The following CEP63 variants were observed in gnomAD, a reference collection of about 807,000 sequenced individuals.
CEP63 encodes the protein centrosomal protein of 63 kDa.
In CEP63, 84 loss-of-function variants were observed where a neutral mutation model predicts 89.1. The ratio of observed to expected loss-of-function variants is 0.94; its 90% CI spans 0.79 to 1.13. CEP63 has a LOEUF of 1.13. Ranked by LOEUF, CEP63 falls within the 50% of genes most tolerant of loss-of-function variation. The probability of loss-of-function intolerance (pLI) is 0.00; values close to 1 mark genes in which losing one functional copy is unlikely to be tolerated. For synonymous variants in CEP63, 267 were observed against 272.5 expected (o/e 0.98, Z 0.20); for missense variants, 838 against 813.3 (o/e 1.03, Z -0.37).
At chr3:134,546,001 T>C (rs866459319) in intron 7 of CEP63, 148 bp from the exon 8 acceptor site, 2 of 881,698 alleles carry the variant, frequency 2.3e-6, no homozygotes, top group Non-Finnish European at 3.5e-6. Flanking sequence ...TATTGTAATA[T>C]TGTTACGTAA....
At chr3:134,750,658 T>C in the CEP63 span, among the ~76,000 whole-genome samples, 1 of 152,064 alleles carries the variant, frequency 6.6e-6, no homozygotes, top group Admixed American at 6.6e-5. Context: ...TGTGCATGGG[T>C]CTGGGGAACA....
At chr3:134,533,239 A>G (rs1950188041) in intron 5 of CEP63, among the ~76,000 whole-genome samples, 1 of 152,230 alleles carries the variant, frequency 6.6e-6, no homozygotes, top group African/African-American at 2.4e-5. Context: ...AACATGCCTA[A>G]GAGTGTTCCA....
intron 8 of CEP63, 94 bp from the exon 9 acceptor site, chr3:134,547,241 G>T (rs1231759421): frequency 3.3e-6 from 4 of 1,205,300 alleles, no homozygotes; most frequent in Non-Finnish European, 4.9e-6. Context: ...TTCCAAAGAG[G>T]TTACCAAAAA....
At chr3:134,714,668 A>T in the CEP63 span, among the ~76,000 whole-genome samples, 1 of 152,244 alleles carries the variant, frequency 6.6e-6, no homozygotes, top group African/African-American at 2.4e-5. Context: ...TAGCAGATGT[A>T]GCATCTAGCT....
the CEP63 span, among the ~76,000 whole-genome samples, chr3:134,777,538 AC>A: frequency 6.6e-6 from 1 of 151,932 alleles, no homozygotes; most frequent in Non-Finnish European, 1.5e-5. Context: ...CAATAACAAT[AC>A]ATGGAAATGG....
intron 3 of CEP63, among the ~76,000 whole-genome samples, chr3:134,521,881 C>T (rs1022586513): frequency 6.6e-5 from 10 of 152,106 alleles, no homozygotes; most frequent in Admixed American, 2.6e-4. Flanking sequence ...TTTTCAGAAT[C>T]ATTTTTCCAG....
chr3:134,583,878 C>T (rs1441145930), intron 10 of CEP63, among the ~76,000 whole-genome samples: 1 of 152,066 alleles, frequency 6.6e-6, no homozygotes, highest in Non-Finnish European at 1.5e-5. Context: ...TGTAGTTCTC[C>T]TTGAAGAGGT....
chr3:134,737,520 C>T, the CEP63 span, among the ~76,000 whole-genome samples: 2 of 152,172 alleles, frequency 1.3e-5, no homozygotes, highest in African/African-American at 2.4e-5. Context: ...GTGGTCAATG[C>T]ATGTACAAAA....
chr3:134,606,306 G>A, the CEP63 span, among the ~76,000 whole-genome samples: 2 of 152,118 alleles, frequency 1.3e-5, no homozygotes, highest in African/African-American at 2.4e-5. Flanking sequence ...CTGGGCTCAC[G>A]GCAGAGCCCT....
At chr3:134,762,496 G>A in the CEP63 span, among the ~76,000 whole-genome samples, 1 of 152,096 alleles carries the variant, frequency 6.6e-6, no homozygotes, top group Non-Finnish European at 1.5e-5. Flanking sequence ...TTCAGGATAG[G>A]TCTTTACAAA....
chr3:134,545,068 A>C (rs578108487), intron 6 of CEP63, among the ~76,000 whole-genome samples: 1 of 152,228 alleles, frequency 6.6e-6, no homozygotes, highest in East Asian at 1.9e-4. Flanking sequence ...ATCTCGGCTC[A>C]CTGCAACCTC....
chr3:134,712,898 C>T, the CEP63 span, among the ~76,000 whole-genome samples: 1 of 152,190 alleles, frequency 6.6e-6, no homozygotes, highest in Admixed American at 6.5e-5. Flanking sequence ...AAGGAGAGAG[C>T]TGGGACTTTC....
intron 3 of CEP63, 108 bp downstream of exon 3, chr3:134,507,394 T>G (rs1242748860): frequency 1.3e-6 from 1 of 768,358 alleles, no homozygotes; most frequent in Non-Finnish European, 2.1e-6. Context: ...CAAGTTAGTT[T>G]ATTGTTTTTT....
Position 134,545,661 on chromosome 3 carries a change from A to G in CEP63, c.631A>G (p.Ser211Gly). 1 of 1,614,222 alleles carries G rather than the reference A, an allele frequency of 6.2e-7. No individual in the cohort carries two copies. The highest frequency in any genetic ancestry group is 8.5e-7 in the Non-Finnish European group (1 of 1,180,040). ...SSQSEIQHLS[S>G]KLERANDTIC... ...CCAATCAGAAATTCAACACTTAAGC[A>G]GTAAACTGGAGCGGGCTAATGACAC... The change falls in exon 7 of 15, where the codon AGT becomes GGT. Residue 211 changes from serine (S) to glycine (G), a missense_variant. Transcript: ENST00000675561.
At chr3:134,612,751 C>CTGTG in the CEP63 span, among the ~76,000 whole-genome samples, 20,006 of 125,236 alleles carry the variant, frequency 0.16, 1,747 homozygotes, top group Middle Eastern at 0.22. Flanking sequence ...CACGCCGATG[C>CTGTG]TGTGTGTGTG....
the CEP63 span, among the ~76,000 whole-genome samples, chr3:134,692,815 T>C: frequency 6.6e-6 from 1 of 152,308 alleles, no homozygotes; most frequent in East Asian, 1.9e-4. Flanking sequence ...CCTATGTCCT[T>C]AGCACACTAT....
chr3:134,543,284 A>G (rs1665284053), intron 6 of CEP63, among the ~76,000 whole-genome samples: 1 of 152,228 alleles, frequency 6.6e-6, no homozygotes, highest in South Asian at 2.1e-4. Context: ...GCACATCTCA[A>G]TTCAGATTAG....
At chr3:134,716,400 G>C in the CEP63 span, among the ~76,000 whole-genome samples, 1 of 152,144 alleles carries the variant, frequency 6.6e-6, no homozygotes, top group Non-Finnish European at 1.5e-5. Context: ...TAGTCCTGTA[G>C]GTATGACCCC....
chr3:134,489,033 T>C (rs1287945624), intron 1 of CEP63, among the ~76,000 whole-genome samples: 1 of 151,664 alleles, frequency 6.6e-6, no homozygotes, highest in Non-Finnish European at 1.5e-5. Flanking sequence ...CATGCGCCTG[T>C]AATCTCAGCT....
Sources: allele counts gnomAD v4.1 joint callset (sites outside exome capture counted in the v4.1 genomes callset), GRCh38; gene constraint gnomAD v4.1.1; transcripts MANE v1.5; gene names NCBI Gene and HGNC (gene_info 2026-07-23, HGNC 2026-07-21).